SNRNP70: variants seen among roughly 807,000 people sequenced by gnomAD.
SNRNP70 encodes U1 small nuclear ribonucleoprotein 70 kDa.
A neutral mutation model predicts 50.5 loss-of-function variants in SNRNP70; 8 were observed. The observed-to-expected ratio is 0.16, with a 90% CI of 0.09 to 0.29. SNRNP70 has a LOEUF of 0.29. SNRNP70 is among the 10% of genes least tolerant of loss of function. SNRNP70 has a pLI of 1.00. For synonymous variants in SNRNP70, 320 were observed against 252.9 expected (o/e 1.27, Z -2.52); for missense variants, 529 against 663.5 (o/e 0.80, Z 2.23).
At position 49,108,011 on chromosome 19, in the gene SNRNP70, G is replaced by C; in HGVS notation, c.882G>C (p.Arg294=). The C allele has an allele frequency of 1.3e-6, 2 of 1,548,082 alleles. No homozygotes were observed. Among genetic ancestry groups the C allele is most frequent in the Non-Finnish European group, 8.7e-7 (1 of 1,146,320 alleles). The part of the protein sequence containing the change: ...KDRDRKRRSS[R]SRERARRERE... ...GGGACCGGAAGCGGCGAAGCAGCCG[G>C]AGTCGGGAGCGGGCCCGGCGGGAGC... Residue 294 remains arginine, a synonymous_variant, in exon 10 of 10, where the codon CGG becomes CGC. Transcript: ENST00000598441.
At chr19:49,088,220 T>TTGA (rs2040405974) in intron 2 of SNRNP70, among the ~76,000 whole-genome samples, 5 of 122,080 alleles carry the variant, frequency 4.1e-5, no homozygotes, top group Non-Finnish European at 9.0e-5. Context: ...TTTTTTTTTT[T>TTGA]GACTTGGAGT....
chr19:49,104,844 C>T lies in SNRNP70; in HGVS notation c.577+109C>T, dbSNP rs2040644772. On this transcript the variant is annotated intron_variant, in intron 8 of 9. Coordinates refer to ENST00000598441, the MANE Select transcript of SNRNP70 (RefSeq NM_003089.6). The surrounding 1 kb of genome is among the most constrained non-coding windows in gnomAD (Gnocchi z 5.4). ...TCTGTCTCCTGCCGGCCCACCTCTC[C>T]CATCGCGTCCTCATCTCCGGCTTCT... is the stretch of plus-strand genomic sequence containing the variant. The T allele has an allele frequency of 1.1e-5, 7 of 642,450 alleles. No homozygotes were observed. The East Asian group carries it at 2.1e-4, about 19-fold the overall frequency. 39.8% of individuals were successfully genotyped at this position (642,450 alleles called of 1,614,324 possible).
At chr19:49,090,909 A>ATG (rs1568417954) in intron 4 of SNRNP70, among the ~76,000 whole-genome samples, 27 of 152,136 alleles carry the variant, frequency 1.8e-4, no homozygotes, top group Non-Finnish European at 3.4e-4. Flanking sequence ...TAGAGGAGGA[A>ATG]TTGGAGTACA....
chr19:49,090,654 C>A (rs2040436690), intron 4 of SNRNP70, 134 bp downstream of exon 4: 1 of 799,564 alleles, frequency 1.3e-6, no homozygotes, highest in Non-Finnish European at 2.1e-6. Context: ...ATTTGTTTAG[C>A]CCCTGCCACT....
intron 4 of SNRNP70, among the ~76,000 whole-genome samples, chr19:49,097,340 A>G (rs946995034): frequency 6.6e-6 from 1 of 152,096 alleles, no homozygotes; most frequent in Non-Finnish European, 1.5e-5. Context: ...CATTTGCAAA[A>G]TAGTAATAAA....
intron 4 of SNRNP70, among the ~76,000 whole-genome samples, chr19:49,093,038 C>G (rs1169453481): frequency 1.3e-5 from 2 of 151,516 alleles, no homozygotes; most frequent in African/African-American, 4.8e-5. Flanking sequence ...GCCTCGGCCC[C>G]CAGAGTGTTG....
At chr19:49,106,536 C>T (rs1390563091) in intron 8 of SNRNP70, among the ~76,000 whole-genome samples, 3 of 152,120 alleles carry the variant, frequency 2.0e-5, no homozygotes, top group Non-Finnish European at 4.4e-5. Flanking sequence ...ATGGCAGGTG[C>T]CTGGTCCGCT....
At chr19:49,091,874 C>T (rs2040451384) in intron 4 of SNRNP70, among the ~76,000 whole-genome samples, 1 of 152,172 alleles carries the variant, frequency 6.6e-6, no homozygotes, top group South Asian at 2.1e-4. Flanking sequence ...GGTGTTTTCT[C>T]TGGGACATAG....
At position 49,086,272 on chromosome 19, in the gene SNRNP70, C is replaced by A. The variant is rs998628271; in HGVS notation, c.-10-133C>A. The stretch of plus-strand genomic sequence containing the variant: ...CTTTTCTCCGCAACACAGGACTGTT[C>A]TCTGCCCTTACAGAGCCTGTTTTAA... On this transcript the variant is annotated intron_variant, in intron 1 of 9. Coordinates refer to ENST00000598441, the MANE Select transcript of SNRNP70 (RefSeq NM_003089.6). The A allele has an allele frequency of 6.8e-6, 7 of 1,029,630 alleles. No homozygotes were observed. In the East Asian group the frequency reaches 1.5e-4, roughly 22 times the overall value. 63.8% of individuals were successfully genotyped at this position (1,029,630 alleles called of 1,614,324 possible). A position where few individuals can be genotyped will look rare whatever the true frequency, so the allele number is the denominator to read the frequency against.
chr19:49,090,220 T>C (rs577440090), intron 2 of SNRNP70, 71 bp from the exon 3 acceptor site: 33 of 1,381,370 alleles, frequency 2.4e-5, no homozygotes, highest in Non-Finnish European at 3.2e-5. Flanking sequence ...AACCTGTTTA[T>C]TTCCTTGGTG....
chr19:49,085,705 C>G (rs1027406666), intron 1 of SNRNP70, 69 bp downstream of exon 1: 20 of 450,860 alleles, frequency 4.4e-5, no homozygotes, highest in Admixed American at 1.7e-4. Flanking sequence ...GCGGTGGGCC[C>G]GGTCCTCTTC....
At chr19:49,092,419 T>C (rs2040458324) in intron 4 of SNRNP70, among the ~76,000 whole-genome samples, 1 of 148,694 alleles carries the variant, frequency 6.7e-6, no homozygotes, top group South Asian at 2.1e-4. Context: ...CCCCCTCCTT[T>C]TTTTTTTGAG....
intron 6 of SNRNP70, among the ~76,000 whole-genome samples, chr19:49,100,296 G>GCAT (rs761148604): frequency 2.2e-4 from 33 of 152,132 alleles, no homozygotes; most frequent in Non-Finnish European, 4.6e-4. Flanking sequence ...TCTGCTGACA[G>GCAT]CATCCCATGG....
intron 4 of SNRNP70, among the ~76,000 whole-genome samples, chr19:49,093,180 C>T (rs2040469462): frequency 6.6e-6 from 1 of 152,056 alleles, no homozygotes; most frequent in Non-Finnish European, 1.5e-5. Flanking sequence ...ACTGCAACCT[C>T]TGCCTCCCCG....
intron 4 of SNRNP70, among the ~76,000 whole-genome samples, chr19:49,092,292 A>G (rs1303928452): frequency 6.6e-6 from 1 of 151,530 alleles, no homozygotes; most frequent in African/African-American, 2.4e-5. Flanking sequence ...TATTTTTAGT[A>G]GAGGCGGGGT....
chr19:49,104,819 T>G lies in SNRNP70; in HGVS notation c.577+84T>G. On this transcript the variant is annotated intron_variant, in intron 8 of 9. Transcript: ENST00000598441. The surrounding 1 kb of genome is among the most constrained non-coding windows in gnomAD (Gnocchi z 5.4). ...TCCCTTCTCTGCTGCTTTCTGCTTCTCTGTCTCCTGCCGGCCCACCTCTCC... is the reference window on the plus strand; with the variant it reads ...TCCCTTCTCTGCTGCTTTCTGCTTCGCTGTCTCCTGCCGGCCCACCTCTCC... The G allele has an allele frequency of 1.2e-6, 1 of 829,118 alleles. No homozygotes were observed. Among genetic ancestry groups the G allele is most frequent in the Non-Finnish European group, 1.8e-6 (1 of 545,930 alleles). The allele number at this position is 829,118 out of a possible 1,614,324, so 51.4% of individuals were successfully genotyped here.
At chr19:49,095,826 A>G (rs1440866962) in intron 4 of SNRNP70, among the ~76,000 whole-genome samples, 1 of 151,542 alleles carries the variant, frequency 6.6e-6, no homozygotes, top group Non-Finnish European at 1.5e-5. Context: ...TGCGCCCAGC[A>G]CCTTTTTTTG....
rs1339590896 is a variant in SNRNP70 at position 49,085,752 on chromosome 19, G to T, written c.-11+116G>T. The T allele has an allele frequency of 1.2e-5, 5 of 427,872 alleles. No individual in the cohort carries two copies. The Admixed American group carries it at 1.3e-4, about 11-fold the overall frequency. 26.5% of individuals were successfully genotyped at this position (427,872 alleles called of 1,614,324 possible). ...GCCCCTTTCCCGCGTCCCCGCCACA[G>T]GTCCCTTCTGCATCCCTTTCCCGGA... On this transcript the variant is annotated intron_variant, in intron 1 of 9. Coordinates refer to ENST00000598441, the MANE Select transcript of SNRNP70 (RefSeq NM_003089.6).
chr19:49,102,665 G>A (rs575315452), intron 7 of SNRNP70: 56 of 160,000 alleles, frequency 3.5e-4, no homozygotes, highest in Admixed American at 7.2e-4. Flanking sequence ...GCCTCCCGAG[G>A]GGGCTGGCTG....
Sources: allele counts gnomAD v4.1 joint callset (sites outside exome capture counted in the v4.1 genomes callset), GRCh38; gene constraint gnomAD v4.1.1; non-coding constraint Gnocchi (gnomAD v3.1); transcripts MANE v1.5; gene names NCBI Gene and HGNC (gene_info 2026-07-23, HGNC 2026-07-21).